Variants in SGK1 observed in about 807,000 individuals in gnomAD.
SGK1 encodes serum/glucocorticoid regulated kinase 1.
A neutral mutation model predicts 64.2 loss-of-function variants in SGK1; 26 were observed. That is an observed-to-expected ratio of 0.40 (90% CI 0.30 to 0.56). The LOEUF (loss-of-function observed/expected upper bound fraction) is 0.56. SGK1 is among the 20% of genes least tolerant of loss of function. SGK1 has a pLI of 0.38. For missense variants in SGK1, 519 were observed against 645.6 expected (o/e 0.80, Z 2.12); for synonymous variants, 265 against 239.7 (o/e 1.11, Z -0.98).
At chr6:134,241,086 G>T (rs1379374679) in intron 2 of SGK1, among the ~76,000 whole-genome samples, 4 of 130,820 alleles carry the variant, frequency 3.1e-5, no homozygotes, top group African/African-American at 1.0e-4. Flanking sequence ...GTCCAGTTCT[G>T]TCACTCAGAC....
rs1418938389 is a variant in SGK1, at chr6:134,272,714, C to CTCATTAAATGGCAATTTGT, written c.70-10585_70-10567dup. On this transcript the variant is annotated intron_variant, in intron 1 of 13. Coordinates refer to ENST00000367858, the MANE Select transcript of SGK1 (RefSeq NM_001143676.3). ...TCACATTTTCTCCTCAACCCATTTG[C>CTCATTAAATGGCAATTTGT]TCATTAAATGGCAATTTGTTCATTA... Among the ~76,000 whole-genome samples, 2 of 147,938 alleles carry CTCATTAAATGGCAATTTGT rather than the reference C, an allele frequency of 1.4e-5. 1 individual carries two copies. The highest frequency in any genetic ancestry group is 3.0e-5 in the Non-Finnish European group (2 of 66,778).
At chr6:134,176,913 CTT>C (rs1223636629) in intron 3 of SGK1, among the ~76,000 whole-genome samples, 5 of 152,184 alleles carry the variant, frequency 3.3e-5, no homozygotes, top group Admixed American at 1.3e-4. Flanking sequence ...AGTGCCCACA[CTT>C]ATAAAAAGCA....
intron 2 of SGK1, among the ~76,000 whole-genome samples, chr6:134,258,158 T>G (rs893550533): frequency 6.6e-6 from 1 of 151,848 alleles, no homozygotes; most frequent in Non-Finnish European, 1.5e-5. Flanking sequence ...GCTGGAGTGC[T>G]GTGGTGCCAT....
chr6:134,215,375 T>C lies in SGK1; in HGVS notation c.286-7944A>G, dbSNP rs1259607154. 2.6e-5 allele frequency among the ~76,000 whole-genome samples: 4 copies of C among 151,540 alleles called. No individual in the cohort carries two copies. In the East Asian group the frequency reaches 7.9e-4, roughly 30 times the overall value. On this transcript the variant is annotated intron_variant, in intron 2 of 13. Coordinates refer to ENST00000367858, the MANE Select transcript of SGK1 (RefSeq NM_001143676.3). ...AAGAGATCTGCTCACCTCAGCCTCC[T>C]AAAGTGCTGGGATTACAGGCATGAG...
At chr6:134,292,960 C>T (rs561607494) in intron 1 of SGK1, among the ~76,000 whole-genome samples, 32 of 152,182 alleles carry the variant, frequency 2.1e-4, no homozygotes, top group Admixed American at 3.9e-4. Context: ...ACCATGGGCA[C>T]GGAAGGTGAT....
At chr6:134,175,935 A>C in intron 3 of SGK1, 4 of 794,432 alleles carry the variant, frequency 5.0e-6, no homozygotes, top group East Asian at 9.5e-5. Flanking sequence ...AGGAATGTGG[A>C]GGGGAGGGGG....
rs111355938 is a variant in SGK1 at position 134,297,309 on chromosome 6, C to T, written c.69+20083G>A. The stretch of plus-strand genomic sequence containing the variant: ...GACGTTCATCAGCTCCTGGTACACA[C>T]GCAGCTATCGCGCCATGTCCTGCTA... On this transcript the variant is annotated intron_variant, in intron 1 of 13. Transcript: ENST00000367858. 2,107 of 1,232,914 alleles carry T rather than the reference C, an allele frequency of 1.7e-3. 34 individuals carry two copies. In the African/African-American group the frequency reaches 0.026, roughly 15 times the overall value. The allele number at this position is 1,232,914 out of a possible 1,614,324, so 76.4% of individuals were successfully genotyped here.
chr6:134,219,097 C>A (rs1776037385), intron 2 of SGK1, among the ~76,000 whole-genome samples: 1 of 152,094 alleles, frequency 6.6e-6, no homozygotes, highest in Non-Finnish European at 1.5e-5. Context: ...ATTCTTGTGC[C>A]TTAGCCTCCT....
chr6:134,283,550 C>CACATCAA (rs1777128834), intron 1 of SGK1, among the ~76,000 whole-genome samples: 1 of 151,310 alleles, frequency 6.6e-6, no homozygotes, highest in Admixed American at 6.6e-5. Flanking sequence ...CTACAGAGGA[C>CACATCAA]ACATCAAAGA....
At chr6:134,259,445 G>A (rs1048146230) in intron 2 of SGK1, among the ~76,000 whole-genome samples, 21 of 150,814 alleles carry the variant, frequency 1.4e-4, no homozygotes, top group African/African-American at 5.1e-4. Flanking sequence ...TTCAAGACCA[G>A]CCTGGCCAAC....
chr6:134,311,400 T>C (rs939192406), intron 1 of SGK1, among the ~76,000 whole-genome samples: 1 of 152,120 alleles, frequency 6.6e-6, no homozygotes, highest in Non-Finnish European at 1.5e-5. Flanking sequence ...CCCAGCACTT[T>C]GGGAGGCCAA....
chr6:134,171,356 G>GTT (rs1775019093), intron 11 of SGK1, 178 bp from the exon 12 acceptor site: 1 of 624,580 alleles, frequency 1.6e-6, no homozygotes, highest in Non-Finnish European at 2.8e-6. Flanking sequence ...CCGTGTGTGT[G>GTT]TTTGTGTGTG....
chr6:134,302,598 A>G (rs1017176313), intron 1 of SGK1, among the ~76,000 whole-genome samples: 1 of 152,208 alleles, frequency 6.6e-6, no homozygotes, highest in Non-Finnish European at 1.5e-5. Context: ...TCAGAAAAGT[A>G]AGCTATAGAG....
chr6:134,307,045 A>G lies in SGK1; in HGVS notation c.69+10347T>C, dbSNP rs538661227. Among the ~76,000 whole-genome samples, 11 of 152,310 alleles carry G rather than the reference A, an allele frequency of 7.2e-5. No homozygotes were observed. The East Asian group carries it at 1.5e-3, about 21-fold the overall frequency. Reference sequence around the variant, plus strand: ...TGAGTTTTGTAAAAGAATGAAATGTATAATGCAAGACATAACTGCCAAGGT... The same window carrying G: ...TGAGTTTTGTAAAAGAATGAAATGTGTAATGCAAGACATAACTGCCAAGGT... On this transcript the variant is annotated intron_variant, in intron 1 of 13. Transcript: ENST00000367858.
At chr6:134,308,836 C>T (rs889910064) in intron 1 of SGK1, among the ~76,000 whole-genome samples, 4 of 152,154 alleles carry the variant, frequency 2.6e-5, no homozygotes, top group South Asian at 2.1e-4. Context: ...GGATTACAGG[C>T]GTTTGCTACC....
intron 2 of SGK1, among the ~76,000 whole-genome samples, chr6:134,233,890 G>GA (rs1202255461): frequency 1.3e-5 from 2 of 149,762 alleles, no homozygotes; most frequent in African/African-American, 4.9e-5. Flanking sequence ...AAAAATATTA[G>GA]AAAAAAATAT....
chr6:134,225,008 C>CAAAAAA lies in SGK1; in HGVS notation c.286-17583_286-17578dup, dbSNP rs779785039. On this transcript the variant is annotated intron_variant, in intron 2 of 13. Coordinates refer to ENST00000367858, the MANE Select transcript of SGK1 (RefSeq NM_001143676.3). ...GCATTCCAGCCTGGAGACTCCATCT[C>CAAAAAA]AAAAAAAAAAAAAAAGAAAAAAGAA... Among the ~76,000 whole-genome samples the CAAAAAA allele has an allele frequency of 7.0e-4, 28 of 39,744 alleles. 1 individual carries two copies. The highest frequency in any genetic ancestry group is 1.1e-3 in the South Asian group (1 of 928). 26.1% of individuals were successfully genotyped at this position (39,744 alleles called of 152,430 possible). A position where few individuals can be genotyped will look rare whatever the true frequency, so the allele number is the denominator to read the frequency against.
intron 1 of SGK1, among the ~76,000 whole-genome samples, chr6:134,280,390 G>A (rs1777075799): frequency 6.6e-6 from 1 of 152,024 alleles, no homozygotes; most frequent in Non-Finnish European, 1.5e-5. Flanking sequence ...GATGAGTAAA[G>A]GAGTGAATAG....
At chr6:134,295,156 C>T (rs892585926) in intron 1 of SGK1, among the ~76,000 whole-genome samples, 7 of 152,062 alleles carry the variant, frequency 4.6e-5, no homozygotes, top group Non-Finnish European at 1.0e-4. Flanking sequence ...GGGTTAAGAG[C>T]CCTTGGCTGG....
Sources: allele counts gnomAD v4.1 joint callset (sites outside exome capture counted in the v4.1 genomes callset), GRCh38; gene constraint gnomAD v4.1.1; transcripts MANE v1.5; gene names NCBI Gene and HGNC (gene_info 2026-07-23, HGNC 2026-07-21).